The following SLC1A1 variants were observed in gnomAD, a reference collection of about 807,000 sequenced individuals.
The protein encoded by SLC1A1 is solute carrier family 1 member 1, also known as excitatory amino acid transporter 3.
Under a neutral mutation model 53.3 loss-of-function variants are expected in SLC1A1, and 43 were observed. That is an observed-to-expected ratio of 0.81 (90% confidence interval 0.63 to 1.04). The LOEUF is 1.04. SLC1A1 is among the 50% of genes least tolerant of loss of function. The pLI is 0.00. For missense variants in SLC1A1, 748 were observed against 664.9 expected (o/e 1.12, Z -1.37); for synonymous variants, 307 against 243.2 (o/e 1.26, Z -2.44).
intron 10 of SLC1A1, among the ~76,000 whole-genome samples, chr9:4,580,479 G>C (rs1484823915): frequency 6.6e-6 from 1 of 151,908 alleles, no homozygotes; most frequent in African/African-American, 2.4e-5. Flanking sequence ...TACTCAGGAG[G>C]CTGAGGCAAG....
chr9:4,524,961 T>G (rs905715338), intron 1 of SLC1A1, among the ~76,000 whole-genome samples: 1 of 152,112 alleles, frequency 6.6e-6, no homozygotes. Flanking sequence ...GGGCCCTGCC[T>G]TCCAATACTG....
At chr9:4,582,934 A>G in intron 10 of SLC1A1, 104 bp from the exon 11 acceptor site, 2 of 1,420,306 alleles carry the variant, frequency 1.4e-6, no homozygotes, top group Non-Finnish European at 2.0e-6. Context: ...TTAGGGACAC[A>G]GCAGTAATAG....
intron 1 of SLC1A1, among the ~76,000 whole-genome samples, chr9:4,511,478 T>C (rs1820996325): frequency 6.6e-6 from 1 of 151,830 alleles, no homozygotes; most frequent in African/African-American, 2.4e-5. Flanking sequence ...GGTTTCAAAA[T>C]ATGAATTTGA....
At chr9:4,557,584 A>C (rs548454881) in intron 2 of SLC1A1, among the ~76,000 whole-genome samples, 10 of 152,138 alleles carry the variant, frequency 6.6e-5, no homozygotes, top group Non-Finnish European at 1.5e-5. Flanking sequence ...TCAGGAGTTC[A>C]AGACCAGCCT....
chr9:4,572,318 G>A lies in SLC1A1; in HGVS notation c.697G>A (p.Gly233Arg), dbSNP rs776234402. 6.2e-7 allele frequency: 1 copy of A among 1,614,104 alleles called. No homozygotes were observed. Among genetic ancestry groups the A allele is most frequent in the Non-Finnish European group, 8.5e-7 (1 of 1,179,970 alleles). ...TGTCATTGGAAAAATGGGAGAAAAGGGACAAATTCTGGTGGATTTCTTCAA... is the reference window on the plus strand; with the variant it reads ...TGTCATTGGAAAAATGGGAGAAAAGAGACAAATTCTGGTGGATTTCTTCAA... ...GLVIGKMGEK[G>R]QILVDFFNAL... The change falls in exon 7 of 12, where the codon GGA becomes AGA. Residue 233 changes from glycine (G) to arginine (R), a missense_variant. Coordinates refer to ENST00000262352, the MANE Select transcript of SLC1A1 (RefSeq NM_004170.6).
chr9:4,578,088 G>A (rs1007911161), intron 10 of SLC1A1, among the ~76,000 whole-genome samples: 3 of 152,214 alleles, frequency 2.0e-5, no homozygotes, highest in Non-Finnish European at 2.9e-5. Flanking sequence ...AATACTTTTT[G>A]ACAGATTGAA....
intron 1 of SLC1A1, among the ~76,000 whole-genome samples, chr9:4,504,750 G>A (rs1289343976): frequency 4.6e-5 from 7 of 152,122 alleles, no homozygotes; most frequent in Admixed American, 4.6e-4. Context: ...AAAAGTTGAT[G>A]TTTTCTTCTG....
chr9:4,495,175 T>C (rs1295524810), intron 1 of SLC1A1, among the ~76,000 whole-genome samples: 4 of 152,214 alleles, frequency 2.6e-5, no homozygotes, highest in African/African-American at 7.2e-5. Flanking sequence ...GCTTTGTCTG[T>C]GAAGCCCCTG....
intron 2 of SLC1A1, among the ~76,000 whole-genome samples, chr9:4,559,231 G>A (rs1054529542): frequency 9.9e-5 from 15 of 152,028 alleles, no homozygotes; most frequent in African/African-American, 3.6e-4. Flanking sequence ...TTCTCAAATC[G>A]AATAGAATCT....
intron 4 of SLC1A1, among the ~76,000 whole-genome samples, chr9:4,565,330 C>A (rs1047441945): frequency 1.3e-5 from 2 of 152,078 alleles, no homozygotes; most frequent in Non-Finnish European, 2.9e-5. Flanking sequence ...ATAAAATGAA[C>A]CCTTGGTAAG....
intron 1 of SLC1A1, among the ~76,000 whole-genome samples, chr9:4,544,240 A>G (rs1330350853): frequency 6.6e-6 from 1 of 152,212 alleles, no homozygotes; most frequent in East Asian, 1.9e-4. Flanking sequence ...TGAATGCAAA[A>G]GAGTTATACT....
At chr9:4,490,904 C>G (rs1191367736) in intron 1 of SLC1A1, 134 bp downstream of exon 1, 11 of 715,486 alleles carry the variant, frequency 1.5e-5, no homozygotes, top group Non-Finnish European at 1.9e-5. Flanking sequence ...GCCTTAGCCT[C>G]GGGCCCCCTG....
intron 1 of SLC1A1, among the ~76,000 whole-genome samples, chr9:4,496,008 G>A (rs1820402519): frequency 6.6e-6 from 1 of 152,200 alleles, no homozygotes; most frequent in Non-Finnish European, 1.5e-5. Context: ...TGGTGCTCAG[G>A]AGACAAATGT....
At chr9:4,571,672 A>G (rs10974631) in intron 6 of SLC1A1, among the ~76,000 whole-genome samples, 72,195 of 148,638 alleles carry the variant, frequency 0.49, 17,920 homozygotes, top group African/African-American at 0.61. Flanking sequence ...GCGAGACTCC[A>G]TCTCAGAAAA....
At chr9:4,517,966 G>T (rs965188590) in intron 1 of SLC1A1, among the ~76,000 whole-genome samples, 1 of 152,036 alleles carries the variant, frequency 6.6e-6, no homozygotes, top group Non-Finnish European at 1.5e-5. Flanking sequence ...GGTGGCTCAC[G>T]CCTGTAATCC....
chr9:4,519,642 C>T (rs1170764581), intron 1 of SLC1A1, among the ~76,000 whole-genome samples: 2 of 152,190 alleles, frequency 1.3e-5, no homozygotes, highest in Non-Finnish European at 2.9e-5. Context: ...CATTATTTCA[C>T]TTAATGCTCA....
At chr9:4,571,238 G>A (rs1016050345) in intron 6 of SLC1A1, among the ~76,000 whole-genome samples, 5 of 152,192 alleles carry the variant, frequency 3.3e-5, no homozygotes, top group South Asian at 4.1e-4. Flanking sequence ...TCAGAGGGTA[G>A]AGGGTGGGAG....
chr9:4,528,988 AAAC>A (rs1484285794), intron 1 of SLC1A1, among the ~76,000 whole-genome samples: 2 of 152,074 alleles, frequency 1.3e-5, no homozygotes, highest in African/African-American at 4.8e-5. Context: ...CCAAGCTAGA[AAAC>A]AAGAACCCCA....
chr9:4,512,632 A>T (rs771176496), intron 1 of SLC1A1, among the ~76,000 whole-genome samples: 60 of 152,228 alleles, frequency 3.9e-4, no homozygotes, highest in Admixed American at 1.2e-3. Flanking sequence ...GGTTTTCAAG[A>T]TATCAAGTGT....
Sources: gnomAD v4.1 joint callset for allele counts (sites outside exome capture counted in the v4.1 genomes callset) on GRCh38, gnomAD v4.1.1 for gene constraint, MANE v1.5 for transcripts, NCBI Gene and HGNC (gene_info 2026-07-23, HGNC 2026-07-21) for gene names.